IMPDH1: variants seen among roughly 807,000 people sequenced by gnomAD.
IMPDH1 encodes the protein inosine-5'-monophosphate dehydrogenase 1.
IMPDH1 carries 41 observed loss-of-function variants against 73.5 expected under a neutral mutation model. That is an observed-to-expected ratio of 0.56 (90% confidence interval 0.43 to 0.72). The LOEUF (loss-of-function observed/expected upper bound fraction) is 0.72, where lower values mean the gene tolerates loss of function less well. Ranked by LOEUF, IMPDH1 falls within the 30% of genes least tolerant of loss-of-function variation. The pLI is 0.00. For missense variants in IMPDH1, 645 were observed against 824.8 expected, an observed-to-expected ratio of 0.78 and a Z score of 2.67; for synonymous variants, 318 against 334.3, an observed-to-expected ratio of 0.95 and a Z score of 0.53.
Position 128,394,718 on chromosome 7 carries a change from G to C in IMPDH1, c.1551-119C>G. On this transcript the variant is annotated intron_variant, in intron 14 of 16. Coordinates refer to ENST00000338791, the MANE Select transcript of IMPDH1 (RefSeq NM_000883.4). The surrounding 1 kb of genome is among the most constrained non-coding windows in gnomAD (Gnocchi z 5.5). ...GGTCCCCCAGGCCACCCCTCACTGG[G>C]CTGAGTCAGATGGCCCAGGGACAGA... is the stretch of plus-strand genomic sequence containing the variant. 3 of 1,433,054 alleles carry C rather than the reference G, an allele frequency of 2.1e-6. No homozygotes were observed. In the Admixed American group the frequency reaches 5.4e-5, roughly 26 times the overall value. 88.8% of individuals were successfully genotyped at this position (1,433,054 alleles called of 1,614,324 possible). A position where few individuals can be genotyped will look rare whatever the true frequency, so the allele number is the denominator to read the frequency against.
chr7:128,402,700 CAGAAA>C (rs59942735), intron 5 of IMPDH1, among the ~76,000 whole-genome samples: 7 of 112,512 alleles, frequency 6.2e-5, no homozygotes, highest in African/African-American at 1.7e-4. Flanking sequence ...ATAATAGCAA[CAGAAA>C]AGAAATGTTT....
chr7:128,408,149 C>G (rs936580227), intron 3 of IMPDH1, among the ~76,000 whole-genome samples: 1 of 152,174 alleles, frequency 6.6e-6, no homozygotes, highest in East Asian at 1.9e-4. Context: ...TTCCCTGAGA[C>G]CCCCACCTAG....
In IMPDH1 at chr7:128,396,923, C is replaced by G. The variant is rs369316633; in HGVS notation, c.1165+9G>C. 3.1e-6 allele frequency: 5 copies of G among 1,606,550 alleles called. No individual in the cohort carries two copies. The highest frequency in any genetic ancestry group is 4.3e-6 in the Non-Finnish European group (5 of 1,173,786). On this transcript the variant is annotated intron_variant, in intron 11 of 16. Transcript: ENST00000338791. This position sits in a 1 kb window ranked among gnomAD's most constrained non-coding sequence, Gnocchi z 4.0. ...GGAGCAGGCGGGTGGGAGGCGACCC[C>G]GCACTCACCGTTCCCCCCAATCACC...
intron 6 of IMPDH1, 53 bp downstream of exon 6, chr7:128,400,959 CCCA>C: frequency 1.3e-6 from 2 of 1,596,994 alleles, no homozygotes; most frequent in Non-Finnish European, 1.7e-6. Flanking sequence ...CTCAGCACAG[CCCA>C]CCATGGTCAG....
chr7:128,401,141 T>A, intron 5 of IMPDH1, 25 bp from the exon 6 acceptor site: 1 of 1,568,596 alleles, frequency 6.4e-7, no homozygotes, highest in Non-Finnish European at 8.8e-7. Context: ...ACAGCCCACG[T>A]AAAGAGTTTA....
intron 4 of IMPDH1, among the ~76,000 whole-genome samples, chr7:128,404,192 G>C (rs559790133): frequency 2.0e-5 from 3 of 152,232 alleles, no homozygotes; most frequent in Non-Finnish European, 4.4e-5. Context: ...GTATGAACAT[G>C]ACCCAGCACA....
Position 128,400,896 on chromosome 7 carries a change from T to C in IMPDH1, c.505-5A>G, listed in dbSNP as rs1299869403. 6.2e-7 allele frequency: 1 copy of C among 1,612,448 alleles called. No homozygotes were observed. On this transcript the variant is annotated splice_region_variant and splice_polypyrimidine_tract_variant and intron_variant, in intron 6 of 16. Transcript: ENST00000338791. ...GAAACCAATACCTCCCATCAGCTGA[T>C]GTAGAAGGGAAGTGTGGTCAGAGCC... is the stretch of plus-strand genomic sequence containing the variant.
intron 4 of IMPDH1, among the ~76,000 whole-genome samples, chr7:128,405,175 G>A (rs570293135): frequency 6.6e-6 from 1 of 152,376 alleles, no homozygotes; most frequent in South Asian, 2.1e-4. Context: ...AGACGGGTGG[G>A]TCTGTGTCCT....
At chr7:128,405,658 G>A in intron 4 of IMPDH1, 109 bp downstream of exon 4, 1 of 1,404,694 alleles carries the variant, frequency 7.1e-7, no homozygotes. Context: ...CCCACAGCAG[G>A]CACTCGCACC....
At chr7:128,400,304 C>A in intron 8 of IMPDH1, 29 bp downstream of exon 8, 1 of 1,611,122 alleles carries the variant, frequency 6.2e-7, no homozygotes, top group Non-Finnish European at 8.5e-7. Flanking sequence ...TCTCTACACC[C>A]AGCCCTGCTT....
In IMPDH1 at chr7:128,400,383, G is replaced by A. The variant is rs754031943; in HGVS notation, c.736C>T (p.Arg246Ter). 5.6e-6 allele frequency: 9 copies of A among 1,613,002 alleles called. No homozygotes were observed. In the Admixed American group the frequency reaches 8.3e-5, roughly 15 times the overall value. ...GSKLVGIVTS[R>*]DIDFLAEKDH... Reference sequence around the variant, plus strand: ...TTCTCAGCAAGAAAGTCGATGTCTCGGGAGGTGACGATGCCCACCAGCTTG... The same window carrying A: ...TTCTCAGCAAGAAAGTCGATGTCTCAGGAGGTGACGATGCCCACCAGCTTG... Residue 246 changes from arginine (R) to a stop codon, truncating the protein, a stop_gained, in exon 8 of 17, where the codon CGA (arginine) becomes TGA (stop). Coordinates refer to ENST00000338791, the MANE Select transcript of IMPDH1 (RefSeq NM_000883.4). LOFTEE classifies it high-confidence loss of function.
rs1797926888 is a variant in IMPDH1 at position 128,396,548 on chromosome 7, CAA to C, written c.1261+50_1261+51del. 1 of 1,334,440 alleles carries C rather than the reference CAA, an allele frequency of 7.5e-7. No individual in the cohort carries two copies. The highest frequency in any genetic ancestry group is 1.5e-5 in the African/African-American group (1 of 68,824). The allele number at this position is 1,334,440 out of a possible 1,614,324, so 82.7% of individuals were successfully genotyped here. On this transcript the variant is annotated intron_variant, in intron 12 of 16. Transcript: ENST00000338791. The surrounding 1 kb of genome is among the most constrained non-coding windows in gnomAD (Gnocchi z 4.0). ...GAGTACTTGATATACATCTGGGGAA[CAA>C]AGGCGAGGCCCCGGGGCCAGCGGGC...
intron 5 of IMPDH1, among the ~76,000 whole-genome samples, chr7:128,402,032 T>C (rs1034225602): frequency 6.6e-6 from 1 of 151,952 alleles, no homozygotes; most frequent in African/African-American, 2.4e-5. Context: ...TCTTTTGTCA[T>C]GCCACAGAAG....
Position 128,409,425 on chromosome 7 carries a change from CA to C in IMPDH1, c.190+15del, listed in dbSNP as rs1218667617. On this transcript the variant is annotated intron_variant, in intron 2 of 16. Transcript: ENST00000338791. Reference sequence around the variant, plus strand: ...ACTCCAGCAAGCACTGTTTGAACCCCAGGAGTTGGAGCCACCTGAACGGGGT... The same window carrying C: ...ACTCCAGCAAGCACTGTTTGAACCCCGGAGTTGGAGCCACCTGAACGGGGT... The C allele has an allele frequency of 5.0e-6, 8 of 1,614,208 alleles. No homozygotes were observed. Among genetic ancestry groups the C allele is most frequent in the Non-Finnish European group, 3.4e-6 (4 of 1,180,020 alleles).
chr7:128,394,219 TG>T lies in IMPDH1; in HGVS notation c.1778+58del. On this transcript the variant is annotated intron_variant, in intron 16 of 16. Transcript: ENST00000338791. This position sits in a 1 kb window ranked among gnomAD's most constrained non-coding sequence, Gnocchi z 5.5. ...GAACCTCAGCTTGACCTCAGAACCCTGGCCCCACCTGCCCAACCCACTGCCT... is the reference window on the plus strand; with the variant it reads ...GAACCTCAGCTTGACCTCAGAACCCTGCCCCACCTGCCCAACCCACTGCCT... The T allele has an allele frequency of 7.0e-7, 1 of 1,427,692 alleles. No individual in the cohort carries two copies. Among genetic ancestry groups the T allele is most frequent in the Non-Finnish European group, 9.9e-7 (1 of 1,012,334 alleles). The allele number at this position is 1,427,692 out of a possible 1,614,324, so 88.4% of individuals were successfully genotyped here.
Position 128,403,697 on chromosome 7 carries a change from G to C in IMPDH1, c.402+9C>G, listed in dbSNP as rs755164490. ...GCCCCCTCCCCTTGTCAAAGGAAGA[G>C]GTACTCACCACCTCATCAGCTATGA... On this transcript the variant is annotated intron_variant, in intron 5 of 16. Transcript: ENST00000338791. 4 of 1,612,912 alleles carry C rather than the reference G, an allele frequency of 2.5e-6. No individual in the cohort carries two copies. The highest frequency in any genetic ancestry group is 3.4e-6 in the Non-Finnish European group (4 of 1,178,844).
chr7:128,393,060 G>C, intron 16 of IMPDH1, 32 bp from the exon 17 acceptor site: 1 of 1,613,350 alleles, frequency 6.2e-7, no homozygotes, highest in East Asian at 2.2e-5. Flanking sequence ...GGGAACAAGA[G>C]TGGGTGTGTG....
Position 128,398,310 on chromosome 7 carries a change from A to T in IMPDH1, c.1074+104T>A, listed in dbSNP as rs1798070716. The T allele has an allele frequency of 4.6e-6, 4 of 868,958 alleles. No homozygotes were observed. The highest frequency in any genetic ancestry group is 7.5e-6 in the Non-Finnish European group (4 of 532,430). The allele number at this position is 868,958 out of a possible 1,614,324, so 53.8% of individuals were successfully genotyped here. A position where few individuals can be genotyped will look rare whatever the true frequency, so the allele number is the denominator to read the frequency against. ...TCAGAAAGAGAGAGGAAGAGTAGCA[A>T]GGGAGGGGCACAGGCTTAATCAGAG... On this transcript the variant is annotated intron_variant, in intron 10 of 16. Coordinates refer to ENST00000338791, the MANE Select transcript of IMPDH1 (RefSeq NM_000883.4). The surrounding 1 kb of genome is among the most constrained non-coding windows in gnomAD (Gnocchi z 4.3).
chr7:128,405,918 T>TGCC lies in IMPDH1; in HGVS notation c.255-56_255-54dup, dbSNP rs1287396536. 3.6e-5 allele frequency: 53 copies of TGCC among 1,458,192 alleles called. No homozygotes were observed. The African/African-American group carries it at 7.6e-4, about 21-fold the overall frequency. 90.3% of individuals were successfully genotyped at this position (1,458,192 alleles called of 1,614,324 possible). ...AAACACCCGCGCGGCCGCCCGCCGC[T>TGCC]GCCGCCGCTGCTGCTGCTGCTACTG... On this transcript the variant is annotated intron_variant, in intron 3 of 16. Transcript: ENST00000338791.
Sources: allele counts gnomAD v4.1 joint callset (sites outside exome capture counted in the v4.1 genomes callset), GRCh38; gene constraint gnomAD v4.1.1; non-coding constraint Gnocchi (gnomAD v3.1); transcripts MANE v1.5; gene names NCBI Gene and HGNC (gene_info 2026-07-23, HGNC 2026-07-21).